Variants in DCC observed in about 807,000 individuals in gnomAD.
DCC encodes netrin receptor DCC.
A neutral mutation model predicts 172.5 loss-of-function variants in DCC; 58 were observed. That is an observed-to-expected ratio of 0.34 (90% CI 0.27 to 0.42). The LOEUF (loss-of-function observed/expected upper bound fraction) is 0.42, where lower values mean the gene tolerates loss of function less well. Ranked by LOEUF, DCC falls within the 10% of genes least tolerant of loss-of-function variation. The pLI, the probability that DCC is intolerant of heterozygous loss-of-function variation, is 1.00. For missense variants in DCC, 1,740 were observed against 1,791.0 expected (o/e 0.97, Z 0.51); for synonymous variants, 709 against 644.5 (o/e 1.10, Z -1.52).
chr18:53,249,189 G>A (rs897644786), intron 12 of DCC, among the ~76,000 whole-genome samples: 7 of 151,980 alleles, frequency 4.6e-5, no homozygotes, highest in African/African-American at 1.2e-4. Flanking sequence ...TACACAGTTT[G>A]CAGAGTTGGT....
chr18:52,887,199 T>G (rs140778782), intron 2 of DCC, among the ~76,000 whole-genome samples: 138 of 152,326 alleles, frequency 9.1e-4, no homozygotes, highest in African/African-American at 3.2e-3. Flanking sequence ...AGATTCTTTG[T>G]GCTTTTATCT....
intron 10 of DCC, among the ~76,000 whole-genome samples, chr18:53,206,034 ATG>A (rs1340469489): frequency 8.1e-6 from 1 of 123,690 alleles, no homozygotes; most frequent in Non-Finnish European, 1.6e-5. Context: ...TTTCATATAT[ATG>A]TGTATATATA....
chr18:53,138,038 G>C (rs2043772924), intron 7 of DCC, among the ~76,000 whole-genome samples: 2 of 151,682 alleles, frequency 1.3e-5, no homozygotes, highest in Admixed American at 1.3e-4. Flanking sequence ...ATGTTACCCA[G>C]GGTGGTCTTA....
At chr18:53,529,055 C>T (rs933476501) in intron 28 of DCC, among the ~76,000 whole-genome samples, 14 of 150,106 alleles carry the variant, frequency 9.3e-5, no homozygotes, top group Admixed American at 7.3e-4. Flanking sequence ...CACACACACA[C>T]ACACACACAC....
At chr18:53,137,522 A>T (rs2043762618) in intron 7 of DCC, among the ~76,000 whole-genome samples, 1 of 152,176 alleles carries the variant, frequency 6.6e-6, no homozygotes, top group Non-Finnish European at 1.5e-5. Flanking sequence ...ATGTTACTTA[A>T]CTATGAAGGT....
intron 5 of DCC, among the ~76,000 whole-genome samples, chr18:53,026,610 C>A (rs1390321508): frequency 1.3e-5 from 2 of 152,104 alleles, no homozygotes; most frequent in Non-Finnish European, 2.9e-5. Flanking sequence ...GGTTGAAGTG[C>A]AGTGGTGCAA....
At chr18:53,324,605 T>G (rs772592678) in intron 14 of DCC, among the ~76,000 whole-genome samples, 14 of 152,066 alleles carry the variant, frequency 9.2e-5, no homozygotes, top group Non-Finnish European at 1.9e-4. Context: ...ACTAGAGCCC[T>G]TCAAGTAGAA....
intron 5 of DCC, among the ~76,000 whole-genome samples, chr18:53,061,358 A>G (rs750885238): frequency 6.6e-6 from 1 of 151,976 alleles, no homozygotes; most frequent in Non-Finnish European, 1.5e-5. Flanking sequence ...GTGTGTTTGT[A>G]TACATACGTA....
intron 26 of DCC, among the ~76,000 whole-genome samples, chr18:53,496,640 G>A (rs1847128): frequency 1.3e-5 from 2 of 152,108 alleles, no homozygotes; most frequent in Admixed American, 6.5e-5. Flanking sequence ...GGCTTCAGAA[G>A]GTGGGTAATA....
chr18:53,100,677 AAG>A (rs1049004753), intron 7 of DCC, among the ~76,000 whole-genome samples: 1 of 151,878 alleles, frequency 6.6e-6, no homozygotes, highest in Non-Finnish European at 1.5e-5. Context: ...GAGGGAGAGA[AAG>A]AAACACCGAG....
intron 2 of DCC, among the ~76,000 whole-genome samples, chr18:52,791,793 T>C (rs1332370359): frequency 3.3e-5 from 5 of 152,192 alleles, no homozygotes; most frequent in African/African-American, 1.2e-4. Context: ...TTAAAGCATC[T>C]ACCCTTAGAG....
At chr18:52,770,277 G>T (rs74737502) in intron 2 of DCC, among the ~76,000 whole-genome samples, 1 of 151,972 alleles carries the variant, frequency 6.6e-6, no homozygotes, top group Non-Finnish European at 1.5e-5. Flanking sequence ...TCAAGTCTTG[G>T]ACTATGGAGT....
chr18:52,950,056 G>A (rs991032753), intron 5 of DCC, among the ~76,000 whole-genome samples: 1 of 152,174 alleles, frequency 6.6e-6, no homozygotes, highest in South Asian at 2.1e-4. Flanking sequence ...ATGGTTGGCT[G>A]TTTTCTGCCA....
chr18:53,449,295 A>G (rs1164422350), intron 22 of DCC, among the ~76,000 whole-genome samples: 2 of 152,170 alleles, frequency 1.3e-5, no homozygotes, highest in African/African-American at 4.8e-5. Context: ...GAGTATTGCT[A>G]GTTGATTTAT....
rs1369384257 is a variant in DCC at position 53,236,148 on chromosome 18, TA to T, written c.1911+20552del. 3.9e-5 allele frequency among the ~76,000 whole-genome samples: 6 copies of T among 152,256 alleles called. No individual in the cohort carries two copies. The East Asian group carries it at 1.2e-3, about 29-fold the overall frequency. The stretch of plus-strand genomic sequence containing the variant: ...AATTTAGATGTATGTCTTACTTAAT[TA>T]GAAATAATTTTCCTAAATGATTATA... On this transcript the variant is annotated intron_variant, in intron 12 of 28. Coordinates refer to ENST00000442544, the MANE Select transcript of DCC (RefSeq NM_005215.4).
chr18:53,056,778 A>AT lies in DCC; in HGVS notation c.986-6518dup, dbSNP rs369643060. 3.2e-4 allele frequency among the ~76,000 whole-genome samples: 49 copies of AT among 151,170 alleles called. No individual in the cohort carries two copies. The East Asian group carries it at 6.1e-3, about 19-fold the overall frequency. On this transcript the variant is annotated intron_variant, in intron 5 of 28. Transcript: ENST00000442544. ...TCACAGCCACTCAAAGATTATGGTTATTTTTTTTTCTCCTAATAAAATCTG... is the reference window on the plus strand; with the variant it reads ...TCACAGCCACTCAAAGATTATGGTTATTTTTTTTTTCTCCTAATAAAATCTG...
chr18:53,386,808 G>T (rs1208039081), intron 16 of DCC, among the ~76,000 whole-genome samples: 5 of 152,166 alleles, frequency 3.3e-5, no homozygotes, highest in Non-Finnish European at 7.4e-5. Flanking sequence ...TGGGTAAGAT[G>T]GTGAGATCCA....
chr18:53,260,752 C>CTGACA (rs2056586729), intron 12 of DCC, among the ~76,000 whole-genome samples: 1 of 152,156 alleles, frequency 6.6e-6, no homozygotes. Flanking sequence ...ACATTTAAGT[C>CTGACA]TGCAGAGTTT....
intron 8 of DCC, among the ~76,000 whole-genome samples, chr18:53,174,751 G>T (rs1327677927): frequency 6.8e-6 from 1 of 147,292 alleles, no homozygotes; most frequent in Non-Finnish European, 1.5e-5. Context: ...AGAGGTACAA[G>T]GAGGAACTAG....
Sources: gnomAD v4.1 joint callset for allele counts (sites outside exome capture counted in the v4.1 genomes callset) on GRCh38, gnomAD v4.1.1 for gene constraint, MANE v1.5 for transcripts, NCBI Gene and HGNC (gene_info 2026-07-23, HGNC 2026-07-21) for gene names.